The following KHDRBS1 variants were observed in gnomAD, a reference collection of about 807,000 sequenced individuals.
KHDRBS1 encodes KH domain-containing, RNA-binding, signal transduction-associated protein 1.
In KHDRBS1, 7 loss-of-function variants were observed where a neutral mutation model predicts 48.4. That is an observed-to-expected ratio of 0.14 (90% confidence interval 0.08 to 0.27). KHDRBS1 has a LOEUF of 0.27. KHDRBS1 is among the 10% of genes least tolerant of loss of function. KHDRBS1 has a pLI of 1.00. For missense variants in KHDRBS1, 458 were observed against 601.2 expected, an observed-to-expected ratio of 0.76 and a Z score of 2.49; for synonymous variants, 241 against 235.8, an observed-to-expected ratio of 1.02 and a Z score of -0.20.
intron 10 of KHDRBS1, among the ~76,000 whole-genome samples, chr1:32,048,885 A>T (rs1639385178): frequency 6.6e-6 from 1 of 152,024 alleles, no homozygotes; most frequent in South Asian, 2.1e-4. Flanking sequence ...CTCCAGCCGT[A>T]GGCTACTACT....
At chr1:32,032,237 C>G (rs1639095172) in intron 3 of KHDRBS1, among the ~76,000 whole-genome samples, 1 of 152,216 alleles carries the variant, frequency 6.6e-6, no homozygotes, top group Non-Finnish European at 1.5e-5. Context: ...ACAGAATAGT[C>G]TTAGCCTTCT....
chr1:32,018,695 T>G (rs1369998070), intron 1 of KHDRBS1, among the ~76,000 whole-genome samples: 1 of 151,806 alleles, frequency 6.6e-6, no homozygotes, highest in Non-Finnish European at 1.5e-5. Context: ...AGGCGGAGTT[T>G]GCAGTGAGCC....
intron 10 of KHDRBS1, among the ~76,000 whole-genome samples, chr1:32,051,916 T>C (rs1011190457): frequency 2.0e-5 from 3 of 152,240 alleles, no homozygotes; most frequent in Non-Finnish European, 4.4e-5. Flanking sequence ...TATGTTCCTG[T>C]ACTTTGTATG....
intron 1 of KHDRBS1, among the ~76,000 whole-genome samples, chr1:32,014,849 G>T (rs1198916505): frequency 6.6e-6 from 1 of 152,222 alleles, no homozygotes; most frequent in Non-Finnish European, 1.5e-5. Flanking sequence ...GGTGGGGTGA[G>T]GCTGGAATGC....
At chr1:32,055,872 G>A (rs542065841) in intron 10 of KHDRBS1, among the ~76,000 whole-genome samples, 1 of 152,268 alleles carries the variant, frequency 6.6e-6, no homozygotes, top group African/African-American at 2.4e-5. Context: ...CCATTTTCCA[G>A]TCCCAGGACT....
At chr1:32,026,258 T>G (rs1051651086) in intron 1 of KHDRBS1, among the ~76,000 whole-genome samples, 1 of 152,028 alleles carries the variant, frequency 6.6e-6, no homozygotes. Flanking sequence ...AGCCTCCAAC[T>G]GCTTATCCTC....
intron 1 of KHDRBS1, among the ~76,000 whole-genome samples, chr1:32,025,521 G>A (rs932941666): frequency 2.7e-5 from 4 of 150,710 alleles, no homozygotes; most frequent in Non-Finnish European, 4.4e-5. Flanking sequence ...GGCTGGTCTC[G>A]AACTCCTGAC....
downstream of KHDRBS1, among the ~76,000 whole-genome samples, chr1:32,044,156 C>T (rs1329649444): frequency 6.6e-6 from 1 of 152,176 alleles, no homozygotes; most frequent in African/African-American, 2.4e-5. Flanking sequence ...GTTTTCAACT[C>T]AACTGAGCTG....
downstream of KHDRBS1, among the ~76,000 whole-genome samples, chr1:32,045,666 T>C (rs1639348104): frequency 6.6e-6 from 1 of 152,204 alleles, no homozygotes; most frequent in South Asian, 2.1e-4. Flanking sequence ...GTTCATTGGT[T>C]GCAAGCAACA....
chr1:32,040,780 T>A (rs1185759075), intron 8 of KHDRBS1, among the ~76,000 whole-genome samples: 1 of 152,316 alleles, frequency 6.6e-6, no homozygotes, highest in South Asian at 2.1e-4. Context: ...CAGTTCACGC[T>A]AAGATACTGG....
intron 4 of KHDRBS1, among the ~76,000 whole-genome samples, chr1:32,036,247 C>T (rs578261307): frequency 1.5e-5 from 2 of 137,332 alleles, no homozygotes; most frequent in Non-Finnish European, 3.0e-5. Context: ...TCTTGGCTCA[C>T]TGCAAGCTCC....
chr1:32,034,836 C>T (rs1023125044), intron 4 of KHDRBS1, among the ~76,000 whole-genome samples: 2 of 151,850 alleles, frequency 1.3e-5, no homozygotes, highest in Non-Finnish European at 2.9e-5. Flanking sequence ...AAAAAATTAG[C>T]TGGGCGTGGT....
In KHDRBS1 at chr1:32,014,311, G is replaced by A; in HGVS notation, c.316G>A (p.Glu106Lys). The A allele has an allele frequency of 6.4e-7, 1 of 1,558,374 alleles. No individual in the cohort carries two copies. The change falls in exon 1 of 9, where the codon GAA becomes AAA. Residue 106 changes from glutamate to lysine, a missense_variant. Glu to Lys is a moderately conservative substitution (Grantham distance 56, BLOSUM62 1). This residue lies in a region of KHDRBS1 where 213 missense variants were observed against 215.6 expected (regional missense o/e 0.99). Coordinates refer to ENST00000327300, the MANE Select transcript of KHDRBS1 (RefSeq NM_006559.3). ...KMEPENKYLP[E>K]LMAEKDSLDP... is the part of the protein sequence containing the mutation. ...GGAGCCAGAGAACAAGTACCTGCCC[G>A]AACTCATGGCCGAGAAGGACTCGCT...
At chr1:32,021,925 A>G (rs1237984412) in intron 1 of KHDRBS1, among the ~76,000 whole-genome samples, 1 of 150,084 alleles carries the variant, frequency 6.7e-6, no homozygotes, top group South Asian at 2.1e-4. Flanking sequence ...TGCTGGGATT[A>G]TAGGCGTGAG....
intron 10 of KHDRBS1, among the ~76,000 whole-genome samples, chr1:32,054,741 C>G (rs1639460783): frequency 6.6e-6 from 1 of 152,158 alleles, no homozygotes; most frequent in Non-Finnish European, 1.5e-5. Flanking sequence ...AACGCAAATT[C>G]ATAAACTTTC....
chr1:32,055,441 T>A (rs1005700794), intron 10 of KHDRBS1, among the ~76,000 whole-genome samples: 2 of 152,018 alleles, frequency 1.3e-5, no homozygotes, highest in African/African-American at 2.4e-5. Flanking sequence ...AGAATAAGAC[T>A]CCGTCTCCAA....
At chr1:32,038,417 A>G in intron 6 of KHDRBS1, 135 bp from the exon 7 acceptor site, 1 of 824,084 alleles carries the variant, frequency 1.2e-6, no homozygotes, top group Non-Finnish European at 1.9e-6. Context: ...ATTCTACAGT[A>G]GGCATTAACA....
At chr1:32,039,207 C>G (rs1230986823) in intron 7 of KHDRBS1, among the ~76,000 whole-genome samples, 2 of 152,050 alleles carry the variant, frequency 1.3e-5, no homozygotes, top group Non-Finnish European at 1.5e-5. Flanking sequence ...TAAAACAGTT[C>G]TTTTTTCCTT....
chr1:32,023,548 T>C (rs1638902455), intron 1 of KHDRBS1, among the ~76,000 whole-genome samples: 1 of 152,246 alleles, frequency 6.6e-6, no homozygotes, highest in Non-Finnish European at 1.5e-5. Context: ...AGCTTTGTTT[T>C]CTTTGGCCCT....
Sources: allele counts gnomAD v4.1 joint callset (sites outside exome capture counted in the v4.1 genomes callset), GRCh38; gene constraint gnomAD v4.1.1; regional missense constraint gnomAD v4.1.1; transcripts MANE v1.5; gene names NCBI Gene and HGNC (gene_info 2026-07-23, HGNC 2026-07-21).